KCND2: variants seen among roughly 807,000 people sequenced by gnomAD.
KCND2 encodes the protein A-type voltage-gated potassium channel KCND2.
In KCND2, 16 loss-of-function variants were observed where a neutral mutation model predicts 54.4. That is an observed-to-expected ratio of 0.29 (90% CI 0.20 to 0.45). The LOEUF (loss-of-function observed/expected upper bound fraction) is 0.45. Ranked by LOEUF, KCND2 falls within the 20% of genes least tolerant of loss-of-function variation. The pLI, the probability that KCND2 is intolerant of heterozygous loss-of-function variation, is 1.00. For synonymous variants in KCND2, 317 were observed against 310.7 expected (o/e 1.02, Z -0.21); for missense variants, 486 against 824.2 (o/e 0.59, Z 5.02).
intron 1 of KCND2, among the ~76,000 whole-genome samples, chr7:120,571,320 T>C (rs766373588): frequency 6.6e-6 from 1 of 152,138 alleles, no homozygotes; most frequent in African/African-American, 2.4e-5. Flanking sequence ...TATTATGAAG[T>C]CTAATAAATG....
At chr7:120,330,758 T>G (rs954809462) in intron 1 of KCND2, among the ~76,000 whole-genome samples, 1 of 152,092 alleles carries the variant, frequency 6.6e-6, no homozygotes, top group Non-Finnish European at 1.5e-5. Flanking sequence ...TGAAAAATTA[T>G]AGAATAATCT....
intron 1 of KCND2, among the ~76,000 whole-genome samples, chr7:120,603,237 A>C (rs1246643462): frequency 6.6e-6 from 1 of 152,204 alleles, no homozygotes; most frequent in African/African-American, 2.4e-5. Context: ...ATATAGTAGT[A>C]ATAAATGTGG....
intron 1 of KCND2, among the ~76,000 whole-genome samples, chr7:120,667,852 GT>G (rs923081623): frequency 2.0e-5 from 3 of 151,892 alleles, no homozygotes; most frequent in African/African-American, 4.8e-5. Flanking sequence ...CTGATCTCAG[GT>G]TTTTTTCCCT....
chr7:120,664,093 C>T (rs750910295), intron 1 of KCND2, among the ~76,000 whole-genome samples: 3 of 152,212 alleles, frequency 2.0e-5, no homozygotes, highest in East Asian at 1.9e-4. Flanking sequence ...TATGCGTGCG[C>T]GTGTGCACAG....
chr7:120,744,852 G>A (rs1792986273), intron 4 of KCND2, among the ~76,000 whole-genome samples: 1 of 152,188 alleles, frequency 6.6e-6, no homozygotes, highest in South Asian at 2.1e-4. Context: ...AGTAATTGAG[G>A]TCATTCTCTA....
intron 1 of KCND2, among the ~76,000 whole-genome samples, chr7:120,712,130 C>CT (rs11296028): frequency 0.27 from 32,180 of 120,174 alleles, 4,632 homozygotes; most frequent in East Asian, 0.45. Context: ...AATAAGAAAG[C>CT]TTTTTTTTTT....
intron 1 of KCND2, among the ~76,000 whole-genome samples, chr7:120,598,605 A>G (rs1441669046): frequency 6.6e-6 from 1 of 151,926 alleles, no homozygotes; most frequent in East Asian, 1.9e-4. Flanking sequence ...GGTTTGTTTC[A>G]TTGTGTTTTA....
chr7:120,497,430 A>G (rs1315373012), intron 1 of KCND2, among the ~76,000 whole-genome samples: 1 of 152,198 alleles, frequency 6.6e-6, no homozygotes, highest in Non-Finnish European at 1.5e-5. Flanking sequence ...GGAACATTTA[A>G]CAAGATAAGT....
chr7:120,298,449 TG>T (rs1799541195), intron 1 of KCND2, among the ~76,000 whole-genome samples: 1 of 152,176 alleles, frequency 6.6e-6, no homozygotes, highest in Non-Finnish European at 1.5e-5. Flanking sequence ...TCAGTCCAGG[TG>T]TTTGGTGATT....
intron 1 of KCND2, among the ~76,000 whole-genome samples, chr7:120,521,477 A>G (rs1791690998): frequency 1.3e-5 from 2 of 152,110 alleles, no homozygotes; most frequent in South Asian, 2.1e-4. Context: ...ATTTTAATGC[A>G]TTATTTTTGA....
intron 1 of KCND2, among the ~76,000 whole-genome samples, chr7:120,625,280 C>T (rs1793151614): frequency 6.6e-6 from 1 of 152,132 alleles, no homozygotes; most frequent in Non-Finnish European, 1.5e-5. Flanking sequence ...AAGGCAACTG[C>T]CATTAACAGA....
At chr7:120,335,745 A>G (rs760071704) in intron 1 of KCND2, among the ~76,000 whole-genome samples, 10 of 152,082 alleles carry the variant, frequency 6.6e-5, no homozygotes, top group Admixed American at 3.9e-4. Flanking sequence ...TCGTCCTCCC[A>G]AAGTGTTGGG....
chr7:120,651,247 G>T lies in KCND2; in HGVS notation c.1116-81656G>T, dbSNP rs1297028495. Among the ~76,000 whole-genome samples the T allele has an allele frequency of 6.3e-5, 9 of 142,864 alleles. 2 individuals carry two copies. Among genetic ancestry groups the T allele is most frequent in the Admixed American group, 2.7e-4 (4 of 14,726 alleles). The allele number at this position is 142,864 out of a possible 152,430, so 93.7% of individuals were successfully genotyped here. A position where few individuals can be genotyped will look rare whatever the true frequency, so the allele number is the denominator to read the frequency against. On this transcript the variant is annotated intron_variant, in intron 1 of 5. Transcript: ENST00000331113. ...TACAGAGGCAGGCAGGCCTCCTTGA[G>T]CTGTGGTGGGCTCCATCCAGTTCAA... is the stretch of plus-strand genomic sequence containing the variant.
At chr7:120,552,376 T>C (rs2116397457) in intron 1 of KCND2, among the ~76,000 whole-genome samples, 1 of 152,336 alleles carries the variant, frequency 6.6e-6, no homozygotes, top group South Asian at 2.1e-4. Context: ...GTATATATTT[T>C]CTTTCTACCT....
intron 1 of KCND2, among the ~76,000 whole-genome samples, chr7:120,449,651 C>G (rs1802073507): frequency 6.6e-6 from 1 of 152,148 alleles, no homozygotes; most frequent in Non-Finnish European, 1.5e-5. Context: ...TTAATAGAAG[C>G]AAATGCTTAA....
At position 120,394,939 on chromosome 7, in the gene KCND2, T is replaced by C. The variant is rs188292146; in HGVS notation, c.1115+119192T>C. Among the ~76,000 whole-genome samples the C allele has an allele frequency of 1.3e-3, 200 of 152,148 alleles. 2 individuals are homozygous for C. The highest frequency in any genetic ancestry group is 1.7e-3 in the Non-Finnish European group (115 of 67,972). ...TAATTTTTCTGGGAATAAAACATAC[T>C]TCTCTGGCTATTTGGTTGTCAGAAA... is the stretch of plus-strand genomic sequence containing the variant. On this transcript the variant is annotated intron_variant, in intron 1 of 5. Coordinates refer to ENST00000331113, the MANE Select transcript of KCND2 (RefSeq NM_012281.3).
At chr7:120,384,306 A>G (rs923806021) in intron 1 of KCND2, among the ~76,000 whole-genome samples, 17 of 152,264 alleles carry the variant, frequency 1.1e-4, no homozygotes, top group Non-Finnish European at 2.4e-4. Context: ...AGTTATACAC[A>G]TAACTTATTA....
At chr7:120,602,292 G>A (rs1218384835) in intron 1 of KCND2, among the ~76,000 whole-genome samples, 1 of 152,176 alleles carries the variant, frequency 6.6e-6, no homozygotes, top group Non-Finnish European at 1.5e-5. Context: ...TCATGGTGAT[G>A]AGATTAATGT....
chr7:120,296,551 A>G (rs928558852), intron 1 of KCND2, among the ~76,000 whole-genome samples: 4 of 152,116 alleles, frequency 2.6e-5, no homozygotes, highest in Non-Finnish European at 4.4e-5. Context: ...GGGAATGGTA[A>G]TTGTTTACTT....
Sources: allele counts gnomAD v4.1 joint callset (sites outside exome capture counted in the v4.1 genomes callset), GRCh38; gene constraint gnomAD v4.1.1; transcripts MANE v1.5; gene names NCBI Gene and HGNC (gene_info 2026-07-23, HGNC 2026-07-21).